The following ANXA8 variants were observed in gnomAD, a reference collection of about 807,000 sequenced individuals.
The protein encoded by ANXA8 is annexin A8.
In ANXA8, 9 loss-of-function variants were observed where a neutral mutation model predicts 26.8. The observed-to-expected ratio is 0.34, with a 90% CI of 0.20 to 0.59. The LOEUF is 0.59. Among genes scored for constraint, ANXA8 ranks in the 20% least tolerant of loss-of-function variants. ANXA8 has a pLI of 0.84. For missense variants in ANXA8, 83 were observed against 238.5 expected (o/e 0.35, Z 4.29); for synonymous variants, 39 against 94.8 (o/e 0.41, Z 3.42).
At chr10:47,747,252 C>A in the ANXA8 span, among the ~76,000 whole-genome samples, 3 of 152,044 alleles carry the variant, frequency 2.0e-5, no homozygotes, top group Non-Finnish European at 4.4e-5. Flanking sequence ...CTGAGGTTGT[C>A]AAGGCAGCTG....
chr10:47,702,400 G>A, the ANXA8 span, among the ~76,000 whole-genome samples: 1 of 150,660 alleles, frequency 6.6e-6, no homozygotes, highest in Non-Finnish European at 1.5e-5. Flanking sequence ...GAGTGCAGTG[G>A]CGTGATCTTG....
At chr10:47,913,942 T>C in the ANXA8 span, among the ~76,000 whole-genome samples, 1 of 68,012 alleles carries the variant, frequency 1.5e-5, no homozygotes, top group South Asian at 5.9e-4. Flanking sequence ...TCTTTTTTTT[T>C]TTTTTTTTTT....
the ANXA8 span, among the ~76,000 whole-genome samples, chr10:47,657,565 G>T: frequency 0.03 from 4,562 of 150,688 alleles, no homozygotes; most frequent in Non-Finnish European, 0.045. Context: ...ATAATATCTT[G>T]CAGGGTGGCT....
the ANXA8 span, among the ~76,000 whole-genome samples, chr10:47,954,133 A>C: frequency 2.7e-5 from 4 of 150,790 alleles, no homozygotes; most frequent in Admixed American, 2.6e-4. Flanking sequence ...AAGATTTGAA[A>C]TCACTCTAAT....
the ANXA8 span, among the ~76,000 whole-genome samples, chr10:47,546,270 T>C: frequency 2.2e-5 from 3 of 137,988 alleles, no homozygotes; most frequent in Non-Finnish European, 4.7e-5. Flanking sequence ...CTCTAACTTG[T>C]ATGTTAATTT....
the ANXA8 span, among the ~76,000 whole-genome samples, chr10:47,639,100 C>G: frequency 3.6e-4 from 54 of 149,740 alleles, no homozygotes; most frequent in Middle Eastern, 3.2e-3. Flanking sequence ...TTTACCCCAG[C>G]TGCCAGAATT....
chr10:47,495,038 G>A, the ANXA8 span, among the ~76,000 whole-genome samples: 1 of 149,968 alleles, frequency 6.7e-6, no homozygotes, highest in East Asian at 1.9e-4. Context: ...CAACAAGGAA[G>A]AATCTGAGCG....
chr10:47,748,674 AG>A, the ANXA8 span, among the ~76,000 whole-genome samples: 10 of 150,306 alleles, frequency 6.7e-5, no homozygotes, highest in South Asian at 2.2e-4. Flanking sequence ...TCTTTTGTAG[AG>A]GGGGGGGATC....
chr10:47,667,596 C>T, the ANXA8 span, among the ~76,000 whole-genome samples: 2 of 151,896 alleles, frequency 1.3e-5, no homozygotes, highest in Non-Finnish European at 2.9e-5. Context: ...CTCGCCCAGG[C>T]TGGAGTGCAG....
the ANXA8 span, among the ~76,000 whole-genome samples, chr10:47,610,875 C>G: frequency 1.3e-5 from 1 of 78,344 alleles, no homozygotes; most frequent in Non-Finnish European, 2.5e-5. Context: ...GGATGGGCTT[C>G]TAAAACCAAA....
At chr10:47,755,806 C>G in the ANXA8 span, among the ~76,000 whole-genome samples, 1 of 142,252 alleles carries the variant, frequency 7.0e-6, no homozygotes, top group East Asian at 2.1e-4. Context: ...GCCAGCATGC[C>G]CGGCTGCTTA....
the ANXA8 span, among the ~76,000 whole-genome samples, chr10:47,560,462 G>A: frequency 6.6e-6 from 1 of 151,556 alleles, no homozygotes; most frequent in Non-Finnish European, 1.5e-5. Context: ...TAGAAGTAAT[G>A]AAACCAAGGT....
the ANXA8 span, among the ~76,000 whole-genome samples, chr10:47,548,507 G>C: frequency 6.6e-6 from 1 of 152,158 alleles, no homozygotes; most frequent in African/African-American, 2.4e-5. Flanking sequence ...CTGCATGTTG[G>C]TCAGGCTGGT....
the ANXA8 span, among the ~76,000 whole-genome samples, chr10:47,652,822 AT>A: frequency 6.8e-6 from 1 of 147,048 alleles, no homozygotes; most frequent in East Asian, 1.9e-4. Flanking sequence ...CTACCTTAAA[AT>A]TAGATTACCA....
At chr10:47,698,187 T>G in the ANXA8 span, among the ~76,000 whole-genome samples, 1 of 149,290 alleles carries the variant, frequency 6.7e-6, no homozygotes, top group African/African-American at 2.5e-5. Flanking sequence ...GGGCTATGTT[T>G]CAAGGCATGT....
the ANXA8 span, among the ~76,000 whole-genome samples, chr10:47,688,208 C>T: frequency 6.7e-6 from 1 of 148,564 alleles, no homozygotes; most frequent in East Asian, 2.0e-4. Flanking sequence ...ATCCTCCCAC[C>T]TCAGCCTCCC....
chr10:47,500,356 G>A, the ANXA8 span, among the ~76,000 whole-genome samples: 1 of 129,922 alleles, frequency 7.7e-6, no homozygotes, highest in East Asian at 2.4e-4. Context: ...GGCACAATGA[G>A]CGTAGCCCGT....
the ANXA8 span, among the ~76,000 whole-genome samples, chr10:47,701,521 A>G: frequency 6.6e-6 from 1 of 151,906 alleles, no homozygotes; most frequent in Non-Finnish European, 1.5e-5. Context: ...ATGCAGCTGT[A>G]CAAAAAGAAT....
the ANXA8 span, among the ~76,000 whole-genome samples, chr10:47,754,968 T>C: frequency 8.0e-6 from 1 of 124,320 alleles, no homozygotes; most frequent in Non-Finnish European, 1.7e-5. Context: ...CTTTTCTTTT[T>C]TTTTTTTTTG....
Sources: allele counts gnomAD v4.1 joint callset (sites outside exome capture counted in the v4.1 genomes callset), GRCh38; gene constraint gnomAD v4.1.1; transcripts MANE v1.5; gene names NCBI Gene and HGNC (gene_info 2026-07-23, HGNC 2026-07-21).